Variants in TRAM2 observed in about 807,000 individuals in gnomAD.
TRAM2 encodes the protein translocation associated membrane protein 2.
Under a neutral mutation model 51.0 loss-of-function variants are expected in TRAM2, and 12 were observed. The ratio of observed to expected loss-of-function variants is 0.24; its 90% CI spans 0.15 to 0.38. TRAM2 has a LOEUF of 0.38. TRAM2 is among the 10% of genes least tolerant of loss of function. TRAM2 has a pLI of 1.00. For missense variants in TRAM2, 361 were observed against 462.0 expected (o/e 0.78, Z 2.00); for synonymous variants, 175 against 179.4 (o/e 0.98, Z 0.20).
rs1011146442 is a variant in TRAM2, at chr6:52,498,601, T to C, written c.*4596A>G. ...GCTGGAAGCTCTGGGCTTCTCTTAA[T>C]AGGTATGCTTGTGGTTGGGCCACCT... On this transcript the variant is annotated 3_prime_UTR_variant, in exon 11 of 11. Transcript: ENST00000182527. 3.3e-5 allele frequency: 5 copies of C among 152,138 alleles called. No homozygotes were observed. Among genetic ancestry groups the C allele is most frequent in the African/African-American group, 1.2e-4 (5 of 41,384 alleles). The allele number at this position is 152,138 out of a possible 1,614,324, so 9.4% of individuals were successfully genotyped here.
intron 2 of TRAM2, among the ~76,000 whole-genome samples, chr6:52,530,575 T>C (rs1383645485): frequency 6.6e-6 from 1 of 152,094 alleles, no homozygotes; most frequent in African/African-American, 2.4e-5. Context: ...ACTGTGTCCT[T>C]ATGAAAAAGA....
At chr6:52,569,096 A>G (rs55959984) in intron 1 of TRAM2, among the ~76,000 whole-genome samples, 30,857 of 152,202 alleles carry the variant, frequency 0.2, 4,096 homozygotes, top group Non-Finnish European at 0.29. Context: ...CTTCAGAACT[A>G]TGAGAAATAA....
chr6:52,501,694 C>G lies in TRAM2; in HGVS notation c.*1503G>C, dbSNP rs1173181401. On this transcript the variant is annotated 3_prime_UTR_variant, in exon 11 of 11. Coordinates refer to ENST00000182527, the MANE Select transcript of TRAM2 (RefSeq NM_012288.4). ...CCCGAGTAGCTGGGATTACAGGTGC[C>G]TGCCACTACACCTAATTTTTTGTAT... 6.6e-6 allele frequency: 1 copy of G among 152,250 alleles called. No homozygotes were observed. Among genetic ancestry groups the G allele is most frequent in the African/African-American group, 2.4e-5 (1 of 41,426 alleles). The allele number at this position is 152,250 out of a possible 1,614,324, so 9.4% of individuals were successfully genotyped here. A position where few individuals can be genotyped will look rare whatever the true frequency, so the allele number is the denominator to read the frequency against.
At chr6:52,546,239 GC>G (rs1767197681) in intron 1 of TRAM2, among the ~76,000 whole-genome samples, 1 of 152,204 alleles carries the variant, frequency 6.6e-6, no homozygotes, top group Non-Finnish European at 1.5e-5. Context: ...AAAATGAGGG[GC>G]CTGTGTATGG....
At chr6:52,564,385 G>T (rs763894875) in intron 1 of TRAM2, among the ~76,000 whole-genome samples, 1 of 152,010 alleles carries the variant, frequency 6.6e-6, no homozygotes, top group Non-Finnish European at 1.5e-5. Context: ...CTGCCAGTCC[G>T]GTGTCACCTT....
Position 52,500,528 on chromosome 6 carries a change from G to GTGT in TRAM2, c.*2668_*2669insACA, listed in dbSNP as rs1244277018. 2.4e-5 allele frequency: 3 copies of GTGT among 123,054 alleles called. No homozygotes were observed. The highest frequency in any genetic ancestry group is 8.6e-5 in the African/African-American group (3 of 34,930). The allele number at this position is 123,054 out of a possible 1,614,324, so 7.6% of individuals were successfully genotyped here. ...ACTCATGGTCTCAGGGTTTTTTTTTGTTTTTTTTTTTTTTTTTACATAAAA... is the reference window on the plus strand; with the variant it reads ...ACTCATGGTCTCAGGGTTTTTTTTTGTGTTTTTTTTTTTTTTTTTTACATAAAA... On this transcript the variant is annotated 3_prime_UTR_variant, in exon 11 of 11. Coordinates refer to ENST00000182527, the MANE Select transcript of TRAM2 (RefSeq NM_012288.4).
chr6:52,510,942 TTGAA>T (rs1382609855), intron 4 of TRAM2, among the ~76,000 whole-genome samples: 6 of 152,138 alleles, frequency 3.9e-5, no homozygotes, highest in African/African-American at 9.7e-5. Flanking sequence ...CACCAGTTGG[TTGAA>T]TGAATGAATG....
intron 4 of TRAM2, among the ~76,000 whole-genome samples, chr6:52,515,443 G>A (rs567047322): frequency 1.3e-5 from 2 of 151,794 alleles, no homozygotes; most frequent in East Asian, 3.9e-4. Context: ...TGTTGAAACG[G>A]CATTGACTCT....
chr6:52,506,147 GGA>G lies in TRAM2; in HGVS notation c.627-13_627-12del. On this transcript the variant is annotated splice_polypyrimidine_tract_variant and intron_variant, in intron 7 of 10. Transcript: ENST00000182527. ...CCCAGGCGGCTCAGGCTGGGGGTGG[GGA>G]AGACTAGACTTACATTCCCTCCAAG... The G allele has an allele frequency of 1.2e-6, 2 of 1,611,880 alleles. No individual in the cohort carries two copies. Among genetic ancestry groups the G allele is most frequent in the Non-Finnish European group, 1.7e-6 (2 of 1,179,116 alleles).
intron 1 of TRAM2, among the ~76,000 whole-genome samples, chr6:52,552,763 G>C (rs1011678928): frequency 5.3e-5 from 8 of 152,152 alleles, no homozygotes; most frequent in African/African-American, 1.9e-4. Context: ...CAGGATGGGA[G>C]GTGGGAGGCT....
chr6:52,511,712 C>T lies in TRAM2; in HGVS notation c.412-2126G>A, dbSNP rs146297697. The stretch of plus-strand genomic sequence containing the variant: ...CCCTGTGACCTATCAGCATGCCTTT[C>T]GGGTATAGTCCACGGCCCTAATCCC... On this transcript the variant is annotated intron_variant, in intron 4 of 10. Coordinates refer to ENST00000182527, the MANE Select transcript of TRAM2 (RefSeq NM_012288.4). 5.9e-5 allele frequency among the ~76,000 whole-genome samples: 9 copies of T among 152,308 alleles called. No individual in the cohort carries two copies. In the East Asian group the frequency reaches 7.7e-4, roughly 13 times the overall value.
At chr6:52,535,706 C>T (rs1220739800) in intron 2 of TRAM2, 77 bp downstream of exon 2, 40 of 1,366,296 alleles carry the variant, frequency 2.9e-5, no homozygotes, top group Admixed American at 6.0e-5. Flanking sequence ...AAATTGTACA[C>T]AGATGGGGAA....
chr6:52,516,825 G>T, intron 2 of TRAM2, 88 bp from the exon 3 acceptor site: 1 of 1,025,798 alleles, frequency 9.7e-7, no homozygotes, highest in Non-Finnish European at 1.5e-6. Flanking sequence ...GAGGCGAAAT[G>T]CGCCATCAAA....
At chr6:52,555,420 T>C (rs543202122) in intron 1 of TRAM2, among the ~76,000 whole-genome samples, 1 of 152,168 alleles carries the variant, frequency 6.6e-6, no homozygotes, top group African/African-American at 2.4e-5. Flanking sequence ...AAAACAAATA[T>C]ATATATATGA....
rs1427276969 is a variant in TRAM2 at position 52,516,708 on chromosome 6, G to A, written c.214C>T (p.Pro72Ser). The part of the protein sequence containing the change: ...DSETVHYHYG[P>S]KDLVTILFYI... The stretch of plus-strand genomic sequence containing the variant: ...AACAAGATTGTGACCAGGTCCTTAG[G>A]GCCATAGTGGTAGTGCACGGTCTCA... The change falls in exon 3 of 11, where the codon CCT (proline) becomes TCT (serine). Residue 72 changes from proline (P) to serine (S), a missense_variant. By Grantham distance (74) the Pro-to-Ser change is moderately conservative. Transcript: ENST00000182527. The A allele has an allele frequency of 6.2e-7, 1 of 1,614,108 alleles. No individual in the cohort carries two copies.
chr6:52,523,426 A>AAC (rs140846), intron 2 of TRAM2: 133,021 of 152,322 alleles, frequency 0.87, 58,065 homozygotes, highest in East Asian at 0.96. Flanking sequence ...AGAAAAAAGA[A>AAC]ACAGAAAAGA....
chr6:52,505,947 A>G, intron 8 of TRAM2, 85 bp downstream of exon 8: 1 of 1,496,058 alleles, frequency 6.7e-7, no homozygotes, highest in Non-Finnish European at 9.3e-7. Flanking sequence ...GTGTGCAACC[A>G]GGGAGGGACC....
chr6:52,505,353 C>A (rs1480619509), intron 9 of TRAM2, among the ~76,000 whole-genome samples: 1 of 152,188 alleles, frequency 6.6e-6, no homozygotes, highest in Non-Finnish European at 1.5e-5. Context: ...CCACAAAGTG[C>A]CAGACAAATG....
intron 1 of TRAM2, among the ~76,000 whole-genome samples, chr6:52,542,275 TTAAAA>T (rs1221639524): frequency 6.8e-6 from 1 of 146,078 alleles, no homozygotes; most frequent in East Asian, 2.1e-4. Flanking sequence ...TTTTTTTTTT[TTAAAA>T]AAAATAGTCT....
Sources: gnomAD v4.1 joint callset for allele counts (sites outside exome capture counted in the v4.1 genomes callset) on GRCh38, gnomAD v4.1.1 for gene constraint, MANE v1.5 for transcripts, NCBI Gene and HGNC (gene_info 2026-07-23, HGNC 2026-07-21) for gene names.